TNR: variants seen among roughly 807,000 people sequenced by gnomAD.
The protein encoded by TNR is tenascin R, also known as tenascin-R.
TNR carries 45 observed loss-of-function variants against 150.4 expected under a neutral mutation model. The observed-to-expected ratio is 0.30, with a 90% CI of 0.24 to 0.38. The LOEUF (loss-of-function observed/expected upper bound fraction) is 0.38. TNR is among the 10% of genes least tolerant of loss of function. TNR has a pLI of 1.00. For missense variants in TNR, 1,544 were observed against 1,759.1 expected (o/e 0.88, Z 2.19); for synonymous variants, 687 against 678.4 (o/e 1.01, Z -0.20).
chr1:175,684,169 C>T (rs1001083669), intron 1 of TNR, among the ~76,000 whole-genome samples: 5 of 152,188 alleles, frequency 3.3e-5, no homozygotes, highest in Admixed American at 1.3e-4. Context: ...AGCATTCCAT[C>T]TTCTTTTCTG....
chr1:175,564,627 G>A (rs1173075904), intron 1 of TNR, among the ~76,000 whole-genome samples: 1 of 152,070 alleles, frequency 6.6e-6, no homozygotes, highest in Non-Finnish European at 1.5e-5. Flanking sequence ...GGTTTGAAGG[G>A]GGGAGCTTAG....
rs918628318 is a variant in TNR at position 175,615,311 on chromosome 1, G to A, written c.-164-86942C>T. Among the ~76,000 whole-genome samples the A allele has an allele frequency of 4.6e-5, 7 of 152,298 alleles. No individual in the cohort carries two copies. The South Asian group carries it at 1.2e-3, about 27-fold the overall frequency. On this transcript the variant is annotated intron_variant, in intron 1 of 22. Coordinates refer to ENST00000367674, the MANE Select transcript of TNR (RefSeq NM_003285.3). ...TTGCTCTATGAGCTTTTCCATAAAG[G>A]GATGTTGAGCACCAAGCCTGGACTT...
intron 3 of TNR, 118 bp downstream of exon 3, chr1:175,406,098 G>A: frequency 7.4e-7 from 1 of 1,359,974 alleles, no homozygotes; most frequent in Middle Eastern, 2.7e-4. Context: ...GAGATGCCGG[G>A]GTTTTGCTGG....
rs531011956 is a variant in TNR at position 175,370,787 on chromosome 1, T to C, written c.1964-3490A>G. The stretch of plus-strand genomic sequence containing the variant: ...GATGGAGGGAGTAAGACAGAAATTA[T>C]ACGTTGCCAAACAGATCTAACATGT... On this transcript the variant is annotated intron_variant, in intron 9 of 22. Coordinates refer to ENST00000367674, the MANE Select transcript of TNR (RefSeq NM_003285.3). 1.6e-4 allele frequency among the ~76,000 whole-genome samples: 25 copies of C among 152,298 alleles called. No homozygotes were observed. In the East Asian group the frequency reaches 4.8e-3, roughly 29 times the overall value.
chr1:175,446,085 T>G (rs1656034699), intron 2 of TNR, among the ~76,000 whole-genome samples: 1 of 152,204 alleles, frequency 6.6e-6, no homozygotes, highest in African/African-American at 2.4e-5. Flanking sequence ...TATGGATGGA[T>G]TTGCCCCTCC....
chr1:175,633,014 C>T (rs1664379607), intron 1 of TNR, among the ~76,000 whole-genome samples: 1 of 152,202 alleles, frequency 6.6e-6, no homozygotes, highest in Non-Finnish European at 1.5e-5. Flanking sequence ...CCCCAAGCTC[C>T]TGTCTCCATA....
chr1:175,416,116 T>TTA (rs534164906), intron 2 of TNR, among the ~76,000 whole-genome samples: 12,694 of 138,944 alleles, frequency 0.091, 532 homozygotes, highest in African/African-American at 0.1. Context: ...CTTCTGACAA[T>TTA]TATATATATA....
chr1:175,546,731 T>C (rs1406415934), intron 1 of TNR, among the ~76,000 whole-genome samples: 1 of 152,194 alleles, frequency 6.6e-6, no homozygotes, highest in Non-Finnish European at 1.5e-5. Flanking sequence ...GAGGATGCTC[T>C]GAACTGGAGA....
At chr1:175,577,503 C>G (rs1662166461) in intron 1 of TNR, among the ~76,000 whole-genome samples, 2 of 152,148 alleles carry the variant, frequency 1.3e-5, no homozygotes, top group South Asian at 2.1e-4. Context: ...CTGGAATCTT[C>G]CATCTTCACT....
In TNR at chr1:175,345,876, T is replaced by C. The variant is rs542263609; in HGVS notation, c.3383-8197A>G. Reference sequence around the variant, plus strand: ...AAACATAAATGAACTTCAAGACATATAATGAAGTGTAAGAGTTGCAAAAAT... The same window carrying C: ...AAACATAAATGAACTTCAAGACATACAATGAAGTGTAAGAGTTGCAAAAAT... On this transcript the variant is annotated intron_variant, in intron 18 of 22. Transcript: ENST00000367674. Among the ~76,000 whole-genome samples the C allele has an allele frequency of 8.4e-4, 128 of 152,266 alleles. 2 individuals are homozygous for C. The highest frequency in any genetic ancestry group is 3.0e-3 in the African/African-American group (123 of 41,570).
rs535265543 is a variant in TNR, at chr1:175,575,938, A to G, written c.-164-47569T>C. Among the ~76,000 whole-genome samples the G allele has an allele frequency of 3.3e-5, 5 of 152,278 alleles. No individual in the cohort carries two copies. The East Asian group carries it at 9.7e-4, about 29-fold the overall frequency. On this transcript the variant is annotated intron_variant, in intron 1 of 22. Transcript: ENST00000367674. Reference sequence around the variant, plus strand: ...GGGGGCAAAGGAAAAGGTGTGGCAAAGTGGATGGCCCAGGCCTGCTCTGCT... The same window carrying G: ...GGGGGCAAAGGAAAAGGTGTGGCAAGGTGGATGGCCCAGGCCTGCTCTGCT...
chr1:175,417,030 A>G (rs1209597097), intron 2 of TNR, among the ~76,000 whole-genome samples: 2 of 96,976 alleles, frequency 2.1e-5, no homozygotes, highest in African/African-American at 3.8e-5. Flanking sequence ...AAAGAAAGAA[A>G]GAAAGAAAGA....
At chr1:175,608,345 C>T (rs1173459649) in intron 1 of TNR, among the ~76,000 whole-genome samples, 2 of 152,122 alleles carry the variant, frequency 1.3e-5, no homozygotes, top group African/African-American at 2.4e-5. Context: ...GGAAAAACAC[C>T]AAACTGGATT....
intron 2 of TNR, among the ~76,000 whole-genome samples, chr1:175,424,156 C>T (rs1351548877): frequency 2.0e-5 from 3 of 152,110 alleles, no homozygotes; most frequent in Non-Finnish European, 2.9e-5. Context: ...CACCCTATTT[C>T]GAATGAATAC....
rs543865763 is a variant in TNR, at chr1:175,347,618, G to A, written c.3382+6773C>T. 2.6e-5 allele frequency among the ~76,000 whole-genome samples: 4 copies of A among 152,088 alleles called. No individual in the cohort carries two copies. In the South Asian group the frequency reaches 8.3e-4, roughly 32 times the overall value. Reference sequence around the variant, plus strand: ...AACTTATGTATTTTTAGTAGAGATGGGGTTTCATCATGTTGCCCAGGCTGT... The same window carrying A: ...AACTTATGTATTTTTAGTAGAGATGAGGTTTCATCATGTTGCCCAGGCTGT... On this transcript the variant is annotated intron_variant, in intron 18 of 22. Coordinates refer to ENST00000367674, the MANE Select transcript of TNR (RefSeq NM_003285.3).
At chr1:175,613,017 T>A (rs530663497) in intron 1 of TNR, among the ~76,000 whole-genome samples, 1 of 152,348 alleles carries the variant, frequency 6.6e-6, no homozygotes, top group East Asian at 1.9e-4. Flanking sequence ...TAAAAAATGT[T>A]TGATAAATGA....
At chr1:175,468,300 CAT>C (rs1657122772) in intron 2 of TNR, among the ~76,000 whole-genome samples, 1 of 152,156 alleles carries the variant, frequency 6.6e-6, no homozygotes, top group South Asian at 2.1e-4. Flanking sequence ...TTTCCTCAAT[CAT>C]ATATGGATGG....
Position 175,317,193 on chromosome 1 carries a change from T to C in TNR, c.*6164A>G, listed in dbSNP as rs994284217. 6.6e-6 allele frequency: 1 copy of C among 152,238 alleles called. No homozygotes were observed. The highest frequency in any genetic ancestry group is 1.5e-5 in the Non-Finnish European group (1 of 68,038). The allele number at this position is 152,238 out of a possible 1,614,324, so 9.4% of individuals were successfully genotyped here. A position where few individuals can be genotyped will look rare whatever the true frequency, so the allele number is the denominator to read the frequency against. On this transcript the variant is annotated 3_prime_UTR_variant, in exon 23 of 23. Coordinates refer to ENST00000367674, the MANE Select transcript of TNR (RefSeq NM_003285.3). ...CACAGTATCTGGTAAATAGTGGGTA[T>C]GCAATAAATGCTATTTATCTTAGTG...
chr1:175,386,417 G>T (rs1652933829), intron 7 of TNR, 116 bp from the exon 8 acceptor site: 1 of 1,124,004 alleles, frequency 8.9e-7, no homozygotes, highest in Non-Finnish European at 1.2e-6. Flanking sequence ...GATGGGTATT[G>T]TTACTGCATT....
Sources: allele counts gnomAD v4.1 joint callset (sites outside exome capture counted in the v4.1 genomes callset), GRCh38; gene constraint gnomAD v4.1.1; transcripts MANE v1.5; gene names NCBI Gene and HGNC (gene_info 2026-07-23, HGNC 2026-07-21).